SNTG1: variants seen among roughly 807,000 people sequenced by gnomAD.
SNTG1 encodes the protein syntrophin gamma 1.
SNTG1 carries 39 observed loss-of-function variants against 74.7 expected under a neutral mutation model. That is an observed-to-expected ratio of 0.52 (90% CI 0.40 to 0.68). The LOEUF (loss-of-function observed/expected upper bound fraction) is 0.68, where lower values mean the gene tolerates loss of function less well. Ranked by LOEUF, SNTG1 falls within the 30% of genes least tolerant of loss-of-function variation. The pLI, the probability that SNTG1 is intolerant of heterozygous loss-of-function variation, is 0.00. For missense variants in SNTG1, 685 were observed against 609.5 expected, an observed-to-expected ratio of 1.12 and a Z score of -1.30; for synonymous variants, 254 against 217.1, an observed-to-expected ratio of 1.17 and a Z score of -1.49.
chr8:50,452,445 A>T (rs920232411), intron 8 of SNTG1, among the ~76,000 whole-genome samples: 1 of 152,244 alleles, frequency 6.6e-6, no homozygotes, highest in African/African-American at 2.4e-5. Context: ...AAGTGATTTT[A>T]AACTCATTAC....
At chr8:50,740,357 AC>A (rs2095540117) in intron 17 of SNTG1, among the ~76,000 whole-genome samples, 2 of 124,160 alleles carry the variant, frequency 1.6e-5, no homozygotes, top group Admixed American at 7.5e-5. Flanking sequence ...TGGCCAAAAA[AC>A]ATATGAAAAA....
intron 1 of SNTG1, among the ~76,000 whole-genome samples, chr8:49,966,930 A>G (rs1430248485): frequency 6.6e-6 from 1 of 152,202 alleles, no homozygotes; most frequent in East Asian, 1.9e-4. Flanking sequence ...ATGTTTATGT[A>G]AATTTAGTGC....
chr8:50,324,362 G>A (rs1299762681), intron 2 of SNTG1, among the ~76,000 whole-genome samples: 2 of 152,170 alleles, frequency 1.3e-5, no homozygotes, highest in Non-Finnish European at 2.9e-5. Flanking sequence ...TGTTGGCATT[G>A]GCAATTTATG....
intron 2 of SNTG1, among the ~76,000 whole-genome samples, chr8:50,236,392 T>A (rs1365462213): frequency 6.6e-6 from 1 of 152,118 alleles, no homozygotes; most frequent in Admixed American, 6.6e-5. Flanking sequence ...TTTTTATACA[T>A]TTAAATTTTA....
chr8:50,530,702 A>G (rs1247839147), intron 10 of SNTG1, among the ~76,000 whole-genome samples: 1 of 152,200 alleles, frequency 6.6e-6, no homozygotes. Context: ...GAGAAAATCC[A>G]ATTCACACAT....
chr8:50,390,984 G>T (rs886605263), intron 2 of SNTG1, among the ~76,000 whole-genome samples: 2 of 150,462 alleles, frequency 1.3e-5, no homozygotes, highest in Admixed American at 6.6e-5. Flanking sequence ...AGATGATGGG[G>T]TTTTCTAAAT....
At chr8:50,262,136 A>G (rs2087225097) in intron 2 of SNTG1, among the ~76,000 whole-genome samples, 2 of 152,170 alleles carry the variant, frequency 1.3e-5, no homozygotes. Context: ...AAATCTCAAG[A>G]GATGTGGAAG....
chr8:50,670,086 T>C (rs1408462912), intron 15 of SNTG1, among the ~76,000 whole-genome samples: 1 of 152,134 alleles, frequency 6.6e-6, no homozygotes, highest in Non-Finnish European at 1.5e-5. Context: ...GCCAATATCA[T>C]ACTGAATGGG....
intron 1 of SNTG1, among the ~76,000 whole-genome samples, chr8:50,047,074 A>C (rs1734284061): frequency 6.6e-6 from 1 of 152,170 alleles, no homozygotes; most frequent in Non-Finnish European, 1.5e-5. Context: ...AAGGTCTAAA[A>C]GAAATTTATT....
At chr8:50,372,344 T>C (rs1050046552) in intron 2 of SNTG1, among the ~76,000 whole-genome samples, 1 of 152,012 alleles carries the variant, frequency 6.6e-6, no homozygotes, top group African/African-American at 2.4e-5. Flanking sequence ...ATATTTTAAA[T>C]TGATAACAAC....
At chr8:50,213,894 A>T (rs2084645490) in intron 2 of SNTG1, among the ~76,000 whole-genome samples, 1 of 151,378 alleles carries the variant, frequency 6.6e-6, no homozygotes, top group African/African-American at 2.4e-5. Context: ...GTTCACTCTG[A>T]TGGTAGTTTC....
chr8:50,300,165 T>G (rs1309861162), intron 2 of SNTG1, among the ~76,000 whole-genome samples: 2 of 152,106 alleles, frequency 1.3e-5, no homozygotes, highest in Non-Finnish European at 2.9e-5. Flanking sequence ...TTTGTCAAAT[T>G]TATTGTAATT....
intron 18 of SNTG1, among the ~76,000 whole-genome samples, chr8:50,767,274 A>C (rs2095616080): frequency 6.6e-6 from 1 of 152,016 alleles, no homozygotes; most frequent in African/African-American, 2.4e-5. Flanking sequence ...TATGTATTAC[A>C]ACATTAAACA....
chr8:50,630,022 A>G lies in SNTG1; in HGVS notation c.850-26887A>G, dbSNP rs2094985704. Among the ~76,000 whole-genome samples, 5 of 152,326 alleles carry G rather than the reference A, an allele frequency of 3.3e-5. No individual in the cohort carries two copies. The South Asian group carries it at 1.0e-3, about 32-fold the overall frequency. ...TAGGTAAATCAGTGGATTATTTTTA[A>G]CATCTGGATAGTTTTTCAATTACTT... On this transcript the variant is annotated intron_variant, in intron 13 of 18. Transcript: ENST00000642720.
chr8:50,405,800 T>G (rs1286661149), intron 4 of SNTG1, among the ~76,000 whole-genome samples: 1 of 152,126 alleles, frequency 6.6e-6, no homozygotes, highest in Non-Finnish European at 1.5e-5. Flanking sequence ...TGGTTATATT[T>G]TAAGTTAACT....
At chr8:50,293,292 T>C (rs1478311308) in intron 2 of SNTG1, among the ~76,000 whole-genome samples, 2 of 152,122 alleles carry the variant, frequency 1.3e-5, no homozygotes, top group Non-Finnish European at 2.9e-5. Flanking sequence ...TGCTTGAAGA[T>C]TGTCATCTCC....
At chr8:50,324,111 T>C (rs78807508) in intron 2 of SNTG1, among the ~76,000 whole-genome samples, 7,892 of 152,260 alleles carry the variant, frequency 0.052, 243 homozygotes, top group Middle Eastern at 0.12. Flanking sequence ...CTTCAGCCTA[T>C]GATGGCAAGG....
intron 18 of SNTG1, among the ~76,000 whole-genome samples, chr8:50,757,594 CAT>C (rs1432175435): frequency 6.6e-6 from 1 of 151,822 alleles, no homozygotes; most frequent in Non-Finnish European, 1.5e-5. Context: ...TTGCAGATAA[CAT>C]ATCATTTGGT....
At chr8:50,412,996 C>G (rs1363462576) in intron 4 of SNTG1, among the ~76,000 whole-genome samples, 1 of 152,102 alleles carries the variant, frequency 6.6e-6, no homozygotes, top group Admixed American at 6.5e-5. Context: ...CATTTAGAAC[C>G]AATGCAATTT....
Sources: gnomAD v4.1 joint callset for allele counts (sites outside exome capture counted in the v4.1 genomes callset) on GRCh38, gnomAD v4.1.1 for gene constraint, MANE v1.5 for transcripts, NCBI Gene and HGNC (gene_info 2026-07-23, HGNC 2026-07-21) for gene names.